Variants in ERGIC1 observed in about 807,000 individuals in gnomAD.
ERGIC1 encodes the protein endoplasmic reticulum-Golgi intermediate compartment protein 1.
ERGIC1 carries 19 observed loss-of-function variants against 38.3 expected under a neutral mutation model. That is an observed-to-expected ratio of 0.50 (90% CI 0.35 to 0.73). The LOEUF is 0.73. ERGIC1 is among the 30% of genes least tolerant of loss of function. ERGIC1 has a pLI of 0.01. For missense variants in ERGIC1, 294 were observed against 389.2 expected (o/e 0.76, Z 2.06); for synonymous variants, 124 against 157.6 (o/e 0.79, Z 1.60).
At chr5:172,903,994 C>G (rs1241160180) in intron 3 of ERGIC1, among the ~76,000 whole-genome samples, 1 of 146,546 alleles carries the variant, frequency 6.8e-6, no homozygotes, top group Non-Finnish European at 1.5e-5. Context: ...CACACATTGA[C>G]TCACACTAAC....
intron 3 of ERGIC1, among the ~76,000 whole-genome samples, chr5:172,902,431 T>C (rs752291779): frequency 9.2e-5 from 14 of 152,292 alleles, no homozygotes; most frequent in Admixed American, 1.3e-4. Context: ...ACATTGCTCT[T>C]AGCAATAGGA....
chr5:172,921,014 G>C (rs532669607), intron 5 of ERGIC1, among the ~76,000 whole-genome samples: 1 of 152,336 alleles, frequency 6.6e-6, no homozygotes, highest in South Asian at 2.1e-4. Flanking sequence ...GCCTGTGAGT[G>C]TTCCCTCTTC....
intron 1 of ERGIC1, among the ~76,000 whole-genome samples, chr5:172,862,133 A>T (rs897206989): frequency 6.6e-6 from 1 of 151,470 alleles, no homozygotes; most frequent in Non-Finnish European, 1.5e-5. Flanking sequence ...CTGGGATTAC[A>T]GGTGCATGCC....
chr5:172,912,376 G>C (rs562660966), intron 4 of ERGIC1, among the ~76,000 whole-genome samples: 22 of 152,116 alleles, frequency 1.4e-4, no homozygotes, highest in Admixed American at 1.4e-3. Flanking sequence ...TTCCCCACAG[G>C]GGTGTTTAAA....
chr5:172,838,176 GTGTGATCAA>G (rs1761078755), intron 1 of ERGIC1, among the ~76,000 whole-genome samples: 1 of 152,240 alleles, frequency 6.6e-6, no homozygotes, highest in South Asian at 2.1e-4. Context: ...GTAGGGGCAA[GTGTGATCAA>G]TGCACACTTG....
Position 172,837,296 on chromosome 5 carries a change from C to T in ERGIC1, c.20+2863C>T, listed in dbSNP as rs566500110. Reference sequence around the variant, plus strand: ...GAGGAGAGTACTCACCGAAGTAGAACAGTTGAGGGATGAGGCAGTGCGGAA... The same window carrying T: ...GAGGAGAGTACTCACCGAAGTAGAATAGTTGAGGGATGAGGCAGTGCGGAA... On this transcript the variant is annotated intron_variant, in intron 1 of 9. Transcript: ENST00000393784. The surrounding 1 kb of genome is among the most constrained non-coding windows in gnomAD (Gnocchi z 4.3). 6.6e-6 allele frequency among the ~76,000 whole-genome samples: 1 copy of T among 152,312 alleles called. No individual in the cohort carries two copies. The highest frequency in any genetic ancestry group is 6.5e-5 in the Admixed American group (1 of 15,298).
chr5:172,854,108 A>C (rs73323196), intron 1 of ERGIC1, among the ~76,000 whole-genome samples: 7,275 of 152,122 alleles, frequency 0.048, 345 homozygotes, highest in African/African-American at 0.12. Flanking sequence ...AGGCAGGGCA[A>C]GGTGGCTCAC....
At chr5:172,929,337 A>G (rs1257649990) in intron 7 of ERGIC1, among the ~76,000 whole-genome samples, 1 of 152,008 alleles carries the variant, frequency 6.6e-6, no homozygotes, top group Non-Finnish European at 1.5e-5. Context: ...ACAATTCCCT[A>G]TGTTTTAGGT....
chr5:172,906,651 G>C (rs897202006), intron 3 of ERGIC1, among the ~76,000 whole-genome samples: 18 of 152,154 alleles, frequency 1.2e-4, no homozygotes, highest in African/African-American at 4.3e-4. Flanking sequence ...TCCCTAAGAT[G>C]TGGCCATTTA....
intron 3 of ERGIC1, among the ~76,000 whole-genome samples, chr5:172,899,348 C>T (rs1362976947): frequency 7.5e-6 from 1 of 132,748 alleles, no homozygotes; most frequent in Non-Finnish European, 1.5e-5. Context: ...GACGGAGTCT[C>T]GCTCTGTCGT....
intron 3 of ERGIC1, among the ~76,000 whole-genome samples, chr5:172,904,332 C>A (rs1762965338): frequency 2.0e-5 from 3 of 152,238 alleles, no homozygotes; most frequent in Admixed American, 2.0e-4. Context: ...GTAGCCCCCA[C>A]CACTATTATT....
chr5:172,941,447 G>A (rs2113483636), intron 9 of ERGIC1, among the ~76,000 whole-genome samples: 1 of 152,266 alleles, frequency 6.6e-6, no homozygotes, highest in African/African-American at 2.4e-5. Context: ...GGCTCAGAGA[G>A]GTGAAAAAAC....
intron 5 of ERGIC1, chr5:172,922,135 C>T (rs1476247238): frequency 6.6e-6 from 1 of 152,298 alleles, no homozygotes; most frequent in African/African-American, 2.4e-5. Flanking sequence ...TCAGCCCAGG[C>T]TGCGGAGGTA....
At chr5:172,947,617 A>G (rs1490317010) in intron 9 of ERGIC1, among the ~76,000 whole-genome samples, 1 of 152,226 alleles carries the variant, frequency 6.6e-6, no homozygotes, top group Non-Finnish European at 1.5e-5. Flanking sequence ...ACTCATAGGT[A>G]GTCTGCCTCA....
At chr5:172,948,939 G>A (rs1764176203) in intron 9 of ERGIC1, among the ~76,000 whole-genome samples, 2 of 152,028 alleles carry the variant, frequency 1.3e-5, no homozygotes, top group Non-Finnish European at 2.9e-5. Context: ...CTGTAATCCT[G>A]GCTACCCCGG....
chr5:172,921,128 C>G (rs1763506211), intron 5 of ERGIC1, among the ~76,000 whole-genome samples: 3 of 152,212 alleles, frequency 2.0e-5, no homozygotes, highest in Admixed American at 1.3e-4. Flanking sequence ...CTCAATGAAT[C>G]CTCCCAGTAA....
intron 1 of ERGIC1, among the ~76,000 whole-genome samples, chr5:172,873,713 G>A (rs1416145288): frequency 6.6e-6 from 1 of 152,224 alleles, no homozygotes; most frequent in African/African-American, 2.4e-5. Flanking sequence ...TGTGAGCTTA[G>A]GCAAGTGGCT....
At chr5:172,905,928 G>A (rs1763007927) in intron 3 of ERGIC1, 1 of 379,810 alleles carries the variant, frequency 2.6e-6, no homozygotes, top group African/African-American at 2.1e-5. Flanking sequence ...CCTGCTTTTA[G>A]CCTAATTGGT....
chr5:172,893,927 G>A (rs1363781650), intron 2 of ERGIC1, among the ~76,000 whole-genome samples: 1,258 of 56,520 alleles, frequency 0.022, 109 homozygotes, highest in African/African-American at 0.086. Flanking sequence ...GTGTGTGTGT[G>A]TGTGTGTGTA....
Sources: gnomAD v4.1 joint callset for allele counts (sites outside exome capture counted in the v4.1 genomes callset) on GRCh38, gnomAD v4.1.1 for gene constraint, Gnocchi (gnomAD v3.1) non-coding constraint, MANE v1.5 for transcripts, NCBI Gene and HGNC (gene_info 2026-07-23, HGNC 2026-07-21) for gene names.